Variants in NRXN3 observed in about 807,000 individuals in gnomAD.
NRXN3 encodes neurexin III.
In NRXN3, 32 loss-of-function variants were observed where a neutral mutation model predicts 137.6. The observed-to-expected ratio is 0.23, with a 90% CI of 0.18 to 0.31. The LOEUF is 0.31. Ranked by LOEUF, NRXN3 falls within the 10% of genes least tolerant of loss-of-function variation. The pLI, the probability that NRXN3 is intolerant of heterozygous loss-of-function variation, is 1.00. For missense variants in NRXN3, 1,574 were observed against 2,062.5 expected (o/e 0.76, Z 4.59); for synonymous variants, 798 against 784.5 (o/e 1.02, Z -0.29).
intron 14 of NRXN3, among the ~76,000 whole-genome samples, chr14:78,974,932 T>C (rs763127621): frequency 6.6e-6 from 1 of 152,192 alleles, no homozygotes; most frequent in South Asian, 2.1e-4. Flanking sequence ...CAATGAGGTG[T>C]AAGAAGTGAC....
intron 20 of NRXN3, among the ~76,000 whole-genome samples, chr14:79,817,839 GTTA>G (rs1041922378): frequency 1.3e-5 from 2 of 152,152 alleles, no homozygotes; most frequent in Non-Finnish European, 2.9e-5. Flanking sequence ...AAATGGGTTA[GTTA>G]TTATGTATCA....
At chr14:79,596,118 G>A (rs927609520) in intron 16 of NRXN3, among the ~76,000 whole-genome samples, 6 of 150,802 alleles carry the variant, frequency 4.0e-5, no homozygotes, top group East Asian at 2.0e-4. Flanking sequence ...TGCCTTGTAC[G>A]TAATACACCC....
At chr14:78,965,985 G>A in intron 11 of NRXN3, 40 bp from the exon 12 acceptor site, 1 of 1,589,264 alleles carries the variant, frequency 6.3e-7, no homozygotes, top group African/African-American at 1.3e-5. Context: ...GATAAATGAT[G>A]GTAACTTTTC....
At chr14:79,273,211 G>T (rs2079673039) in intron 15 of NRXN3, among the ~76,000 whole-genome samples, 1 of 149,694 alleles carries the variant, frequency 6.7e-6, no homozygotes, top group Non-Finnish European at 1.5e-5. Context: ...TGGGTGGGAG[G>T]GAGGGTGTTT....
chr14:78,719,053 A>G (rs1174911089), intron 8 of NRXN3, among the ~76,000 whole-genome samples: 1 of 152,204 alleles, frequency 6.6e-6, no homozygotes, highest in African/African-American at 2.4e-5. Context: ...GTCTAGTTCA[A>G]TTGGTGAGCA....
intron 4 of NRXN3, among the ~76,000 whole-genome samples, chr14:78,531,195 G>C (rs564732900): frequency 4.0e-4 from 61 of 152,134 alleles, no homozygotes; most frequent in Non-Finnish European, 8.1e-4. Flanking sequence ...CTTAGGACAG[G>C]AGCTGATGGA....
chr14:78,958,075 T>G (rs1333971538), intron 11 of NRXN3, among the ~76,000 whole-genome samples: 3 of 152,164 alleles, frequency 2.0e-5, no homozygotes, highest in East Asian at 1.9e-4. Flanking sequence ...CAGATGAGAT[T>G]ACCTGTTTCC....
intron 16 of NRXN3, among the ~76,000 whole-genome samples, chr14:79,486,130 A>G (rs564346661): frequency 2.0e-5 from 3 of 152,258 alleles, no homozygotes; most frequent in African/African-American, 7.2e-5. Context: ...TACGTAAACC[A>G]TCTTGCTACT....
chr14:78,865,886 G>A (rs1354170056), intron 10 of NRXN3, among the ~76,000 whole-genome samples: 1 of 152,070 alleles, frequency 6.6e-6, no homozygotes, highest in Non-Finnish European at 1.5e-5. Context: ...TCTACAGTGG[G>A]AAAATTTCAG....
intron 15 of NRXN3, among the ~76,000 whole-genome samples, chr14:79,023,603 G>A (rs2099593377): frequency 1.3e-5 from 2 of 152,090 alleles, no homozygotes; most frequent in Admixed American, 1.3e-4. Flanking sequence ...TTGACTCACA[G>A]TTCTGCATTG....
chr14:79,500,389 G>C (rs2096813345), intron 16 of NRXN3, among the ~76,000 whole-genome samples: 1 of 152,102 alleles, frequency 6.6e-6, no homozygotes, highest in Non-Finnish European at 1.5e-5. Flanking sequence ...GAAAAAGACT[G>C]GGCTGGCTAC....
Position 78,651,240 on chromosome 14 carries a change from G to T in NRXN3, c.1135G>T (p.Asp379Tyr). Reference protein sequence around the residue: ...QEDYTMLGSDDFFYVGGSPST... With the variant: ...QEDYTMLGSDYFFYVGGSPST... ...GGACTATACCATGCTGGGCTCGGAC[G>T]ACTTCTTCTATGTAGGAGGAAGCCC... Residue 379 changes from aspartate to tyrosine, a missense_variant, in exon 6 of 21, where the codon GAC becomes TAC. By Grantham distance (160) the Asp-to-Tyr change is radical. Transcript: ENST00000335750. The T allele has an allele frequency of 1.2e-6, 2 of 1,614,002 alleles. No homozygotes were observed. Among genetic ancestry groups the T allele is most frequent in the Non-Finnish European group, 1.7e-6 (2 of 1,179,954 alleles).
intron 8 of NRXN3, among the ~76,000 whole-genome samples, chr14:78,790,008 T>C (rs182134155): frequency 1.2e-4 from 19 of 152,182 alleles, no homozygotes; most frequent in Non-Finnish European, 2.2e-4. Flanking sequence ...GCACAGTGTC[T>C]GTCACATATT....
At chr14:79,435,979 G>A (rs2095840723) in intron 15 of NRXN3, among the ~76,000 whole-genome samples, 1 of 152,084 alleles carries the variant, frequency 6.6e-6, no homozygotes, top group Non-Finnish European at 1.5e-5. Context: ...TGATAAAAAG[G>A]GAGAGAGGCT....
At chr14:79,344,167 G>A (rs1265769068) in intron 15 of NRXN3, among the ~76,000 whole-genome samples, 2 of 152,126 alleles carry the variant, frequency 1.3e-5, no homozygotes, top group Admixed American at 1.3e-4. Flanking sequence ...ACTGAGGCAA[G>A]CCCTGAAGTC....
intron 15 of NRXN3, among the ~76,000 whole-genome samples, chr14:79,288,909 A>G (rs1230115636): frequency 6.6e-6 from 1 of 152,096 alleles, no homozygotes; most frequent in Non-Finnish European, 1.5e-5. Context: ...TTTTTTTTGA[A>G]TGAATGAATC....
chr14:78,679,502 CTTAA>C (rs774215600), intron 6 of NRXN3, among the ~76,000 whole-genome samples: 5 of 152,152 alleles, frequency 3.3e-5, no homozygotes, highest in African/African-American at 1.2e-4. Context: ...TGGCTCTTCT[CTTAA>C]TTAATTAATT....
At chr14:78,278,598 T>C in intron 2 of NRXN3, 47 bp from the exon 3 acceptor site, 1 of 1,488,438 alleles carries the variant, frequency 6.7e-7, no homozygotes, top group Non-Finnish European at 9.1e-7. Context: ...TTTTCTCCCC[T>C]TTTCTCTCCT....
At chr14:78,496,056 T>C (rs1018998091) in intron 4 of NRXN3, among the ~76,000 whole-genome samples, 10 of 152,202 alleles carry the variant, frequency 6.6e-5, no homozygotes, top group South Asian at 2.1e-4. Context: ...GGGGACCACA[T>C]TGAAGAAAAT....
Sources: gnomAD v4.1 joint callset for allele counts (sites outside exome capture counted in the v4.1 genomes callset) on GRCh38, gnomAD v4.1.1 for gene constraint, MANE v1.5 for transcripts, NCBI Gene and HGNC (gene_info 2026-07-23, HGNC 2026-07-21) for gene names.